Variants in RC3H2 observed in about 807,000 individuals in gnomAD.
RC3H2 encodes the protein ring finger and CCCH-type domains 2, also known as roquin-2.
In RC3H2, 31 loss-of-function variants were observed where a neutral mutation model predicts 133.3. The ratio of observed to expected loss-of-function variants is 0.23; its 90% CI spans 0.17 to 0.31. RC3H2 has a LOEUF of 0.31. Among genes scored for constraint, RC3H2 ranks in the 10% least tolerant of loss-of-function variants. The pLI is 1.00. For missense variants in RC3H2, 1,175 were observed against 1,437.2 expected (o/e 0.82, Z 2.95); for synonymous variants, 517 against 502.2 (o/e 1.03, Z -0.40).
chr9:122,875,160 T>C, intron 9 of RC3H2: 6 of 1,539,540 alleles, frequency 3.9e-6, no homozygotes, highest in African/African-American at 1.4e-5. Flanking sequence ...GCATCTTTTT[T>C]CCTTAGGACT....
At chr9:122,896,432 T>C (rs1043950173) in intron 2 of RC3H2, among the ~76,000 whole-genome samples, 2 of 152,244 alleles carry the variant, frequency 1.3e-5, no homozygotes, top group Non-Finnish European at 2.9e-5. Context: ...AATAAATATA[T>C]ATGCTTATAT....
At chr9:122,904,096 A>C (rs2131518638) in intron 1 of RC3H2, among the ~76,000 whole-genome samples, 1 of 152,324 alleles carries the variant, frequency 6.6e-6, no homozygotes, top group South Asian at 2.1e-4. Context: ...AAGTTTGGCC[A>C]ATACAAAATT....
intron 1 of RC3H2, among the ~76,000 whole-genome samples, chr9:122,901,586 C>CT (rs11309716): frequency 0.012 from 1,424 of 119,978 alleles, 21 homozygotes; most frequent in African/African-American, 0.028. Flanking sequence ...CCAATGCATT[C>CT]TTTTTTTTTT....
intron 4 of RC3H2, among the ~76,000 whole-genome samples, chr9:122,887,153 T>C (rs1831951498): frequency 6.6e-6 from 1 of 152,232 alleles, no homozygotes; most frequent in African/African-American, 2.4e-5. Context: ...AGCCCATTAA[T>C]ACATTTGGGG....
chr9:122,904,519 GA>G (rs1400787984), intron 1 of RC3H2, among the ~76,000 whole-genome samples: 1 of 152,246 alleles, frequency 6.6e-6, no homozygotes, highest in Non-Finnish European at 1.5e-5. Flanking sequence ...AAAAATGAGA[GA>G]GGGAAAGAAG....
chr9:122,862,651 T>C (rs141269371), intron 10 of RC3H2, among the ~76,000 whole-genome samples: 3,228 of 152,310 alleles, frequency 0.021, 43 homozygotes, highest in African/African-American at 0.044. Context: ...TCCCAGCCTT[T>C]TGGGAGGCCA....
At position 122,897,515 on chromosome 9, in the gene RC3H2, A is replaced by C. The variant is rs780959525; in HGVS notation, c.-6T>G. 1.9e-6 allele frequency: 3 copies of C among 1,611,432 alleles called. No individual in the cohort carries two copies. The highest frequency in any genetic ancestry group is 2.5e-6 in the Non-Finnish European group (3 of 1,178,378). ...TGAGCTGCCTGCACAGGCATTGTGG[A>C]AGCTGGATGCTCGGGTTAGCAGTCT... On this transcript the variant is annotated 5_prime_UTR_variant, in exon 2 of 21. Transcript: ENST00000357244.
chr9:122,859,893 T>A (rs755503292), intron 11 of RC3H2, 24 bp downstream of exon 11: 1 of 1,537,558 alleles, frequency 6.5e-7, no homozygotes, highest in Non-Finnish European at 9.0e-7. Context: ...TCTTTTTTTC[T>A]TAGAATTGTC....
chr9:122,875,387 C>T, intron 9 of RC3H2: 1 of 1,532,202 alleles, frequency 6.5e-7, no homozygotes, highest in Non-Finnish European at 8.8e-7. Flanking sequence ...GATAGACAAA[C>T]ATTTAATAAA....
At chr9:122,854,802 A>T (rs569481982) in intron 15 of RC3H2, among the ~76,000 whole-genome samples, 187 bp from the exon 16 acceptor site, 8 of 152,268 alleles carry the variant, frequency 5.3e-5, no homozygotes, top group Admixed American at 3.9e-4. Context: ...CAAGTTGGGG[A>T]TTAAAAAGCA....
chr9:122,905,135 A>AAGGGCCGCTC lies in RC3H2; in HGVS notation c.-103_-94dup. Reference sequence around the variant, plus strand: ...CTGAGGGGGCCCGGGCGGGGTCGCTAAGGGCCGCTCCCGGGAGCCCCGCGA... The same window carrying AAGGGCCGCTC: ...CTGAGGGGGCCCGGGCGGGGTCGCTAAGGGCCGCTCAGGGCCGCTCCCGGGAGCCCCGCGA... On this transcript the variant is annotated 5_prime_UTR_variant, in exon 1 of 21. It removes the in-frame stop codon of an upstream open reading frame in the 5' UTR. Coordinates refer to ENST00000357244, the MANE Select transcript of RC3H2 (RefSeq NM_001100588.3). The AAGGGCCGCTC allele has an allele frequency of 3.0e-6, 3 of 985,336 alleles. No homozygotes were observed. The highest frequency in any genetic ancestry group is 3.6e-6 in the Non-Finnish European group (3 of 829,896). 61.0% of individuals were successfully genotyped at this position (985,336 alleles called of 1,614,324 possible). A position where few individuals can be genotyped will look rare whatever the true frequency, so the allele number is the denominator to read the frequency against.
chr9:122,851,550 G>A (rs1287816538), intron 18 of RC3H2, 114 bp from the exon 19 acceptor site: 9 of 1,383,892 alleles, frequency 6.5e-6, no homozygotes, highest in East Asian at 5.0e-5. Flanking sequence ...ATGCCGAGCC[G>A]AAGCTGGACT....
chr9:122,875,013 G>A (rs1472399855), intron 9 of RC3H2: 7 of 743,274 alleles, frequency 9.4e-6, no homozygotes, highest in African/African-American at 3.5e-5. Flanking sequence ...TTTTTTAGTC[G>A]AACTTTCTCA....
rs767664158 is a variant in RC3H2 at position 122,883,371 on chromosome 9, C to T, written c.592G>A (p.Glu198Lys). 1 of 1,596,802 alleles carries T rather than the reference C, an allele frequency of 6.3e-7. No individual in the cohort carries two copies. Among genetic ancestry groups the T allele is most frequent in the Non-Finnish European group, 8.5e-7 (1 of 1,174,580 alleles). ...AGTAACACCAGCTTCAAGGCCTCTT[C>T]TTGCATAGCTAAAAATATTAAAGGA... The part of the protein sequence containing the change: ...GCQFLGPAMQ[E>K]EALKLVLLAL... The change falls in exon 5 of 21, where the codon GAA becomes AAA. Residue 198 changes from glutamate (E) to lysine (K), a missense_variant. By Grantham distance (56) the Glu-to-Lys change is moderately conservative. Transcript: ENST00000357244.
rs774367405 is a variant in RC3H2 at position 122,860,006 on chromosome 9, G to A, written c.1760C>T (p.Pro587Leu). Residue 587 changes from proline (P) to leucine (L), a missense_variant, in exon 11 of 21, where the codon CCA (proline) becomes CTA (leucine). Around this residue, in one of 8 missense-constraint regions of RC3H2, gnomAD observed 490 missense variants for 492.8 expected, o/e 0.99. Transcript: ENST00000357244. Reference sequence around the variant, plus strand: ...GTTTTCAGAATGCGGAGGATATACTGGTACTCTAGTTAGAAATGGGCTGGA... The same window carrying A: ...GTTTTCAGAATGCGGAGGATATACTAGTACTCTAGTTAGAAATGGGCTGGA... Reference protein sequence around the residue: ...QKSSPFLTRVPVYPPHSENIQ... With the variant: ...QKSSPFLTRVLVYPPHSENIQ... 1 of 1,613,964 alleles carries A rather than the reference G, an allele frequency of 6.2e-7. No individual in the cohort carries two copies. Among genetic ancestry groups the A allele is most frequent in the Admixed American group, 1.7e-5 (1 of 60,006 alleles).
In RC3H2 at chr9:122,845,398, G is replaced by A. The variant is rs1413045965; in HGVS notation, c.*4229C>T. On this transcript the variant is annotated 3_prime_UTR_variant, in exon 21 of 21. Transcript: ENST00000357244. ...TGTTTGCCCAGCTAAGAGAATGCAT[G>A]CACTTCCATGCCTTGGGTTATAAAG... is the stretch of plus-strand genomic sequence containing the variant. The A allele has an allele frequency of 6.6e-6, 1 of 152,184 alleles. No individual in the cohort carries two copies. The highest frequency in any genetic ancestry group is 1.5e-5 in the Non-Finnish European group (1 of 68,040). 9.4% of individuals were successfully genotyped at this position (152,184 alleles called of 1,614,324 possible).
At chr9:122,902,150 C>T (rs1188192069) in intron 1 of RC3H2, among the ~76,000 whole-genome samples, 1 of 151,990 alleles carries the variant, frequency 6.6e-6, no homozygotes, top group Non-Finnish European at 1.5e-5. Context: ...AGGCTGGTCT[C>T]GAACTCCTGA....
At chr9:122,881,931 A>C (rs1831656458) in intron 5 of RC3H2, among the ~76,000 whole-genome samples, 1 of 152,208 alleles carries the variant, frequency 6.6e-6, no homozygotes, top group African/African-American at 2.4e-5. Flanking sequence ...GAATCCAGCT[A>C]ATAGGTAGGC....
chr9:122,893,483 G>A (rs1832276906), intron 2 of RC3H2, among the ~76,000 whole-genome samples: 1 of 152,090 alleles, frequency 6.6e-6, no homozygotes, highest in Non-Finnish European at 1.5e-5. Context: ...GACAGAGTGA[G>A]ACTCCATCTC....
Sources: allele counts gnomAD v4.1 joint callset (sites outside exome capture counted in the v4.1 genomes callset), GRCh38; gene constraint gnomAD v4.1.1; regional missense constraint gnomAD v4.1.1; transcripts MANE v1.5; gene names NCBI Gene and HGNC (gene_info 2026-07-23, HGNC 2026-07-21).